COL22A1: variants seen among roughly 807,000 people sequenced by gnomAD.
The protein encoded by COL22A1 is collagen alpha-1(XXII) chain.
Under a neutral mutation model 248.9 loss-of-function variants are expected in COL22A1, and 221 were observed. The ratio of observed to expected loss-of-function variants is 0.89; its 90% CI spans 0.80 to 0.99. The LOEUF (loss-of-function observed/expected upper bound fraction) is 0.99, where lower values mean the gene tolerates loss of function less well. Among genes scored for constraint, COL22A1 ranks in the 50% least tolerant of loss-of-function variants. COL22A1 has a pLI of 0.00. For synonymous variants in COL22A1, 891 were observed against 793.4 expected (o/e 1.12, Z -2.07); for missense variants, 2,240 against 2,179.0 (o/e 1.03, Z -0.56).
At chr8:138,741,988 G>A (rs62530662) in intron 22 of COL22A1, among the ~76,000 whole-genome samples, 18,666 of 150,928 alleles carry the variant, frequency 0.12, 1,279 homozygotes, top group Non-Finnish European at 0.16. Flanking sequence ...AGTTGATGGT[G>A]ATGGTGGAGT....
At chr8:138,692,047 T>G (rs1173360593) in intron 35 of COL22A1, among the ~76,000 whole-genome samples, 1 of 146,920 alleles carries the variant, frequency 6.8e-6, no homozygotes, top group African/African-American at 2.5e-5. Flanking sequence ...TTTGTGAAGG[T>G]GTGTGTGTGC....
At chr8:138,835,658 G>A (rs1477840020) in intron 4 of COL22A1, among the ~76,000 whole-genome samples, 3 of 152,210 alleles carry the variant, frequency 2.0e-5, no homozygotes, top group East Asian at 3.9e-4. Flanking sequence ...ACTCTGAGCT[G>A]TAACGCAGCC....
At chr8:138,818,468 C>G (rs1183560740) in intron 7 of COL22A1, among the ~76,000 whole-genome samples, 1 of 152,216 alleles carries the variant, frequency 6.6e-6, no homozygotes, top group Non-Finnish European at 1.5e-5. Context: ...GTCATAAATA[C>G]CCCATAGCTC....
intron 41 of COL22A1, among the ~76,000 whole-genome samples, chr8:138,664,750 G>A (rs748888517): frequency 5.3e-5 from 8 of 152,158 alleles, no homozygotes; most frequent in African/African-American, 1.7e-4. Flanking sequence ...GAACATAGCC[G>A]ACTAGAGCAC....
chr8:138,823,955 G>A (rs980642551), intron 6 of COL22A1, among the ~76,000 whole-genome samples: 3 of 152,112 alleles, frequency 2.0e-5, no homozygotes, highest in Admixed American at 2.0e-4. Context: ...CGTAGTGCAG[G>A]GGGATCAGCT....
At chr8:138,717,861 G>A (rs11778635) in intron 27 of COL22A1, among the ~76,000 whole-genome samples, 25,198 of 152,184 alleles carry the variant, frequency 0.17, 2,380 homozygotes, top group Middle Eastern at 0.21. Flanking sequence ...GGTGGTGAGC[G>A]CGGACTATCA....
At chr8:138,800,050 G>C (rs189341592) in intron 11 of COL22A1, among the ~76,000 whole-genome samples, 1 of 152,150 alleles carries the variant, frequency 6.6e-6, no homozygotes, top group South Asian at 2.1e-4. Context: ...AGAGTTCTTC[G>C]TTCCTAAGGA....
intron 45 of COL22A1, among the ~76,000 whole-genome samples, chr8:138,651,251 C>T (rs1380089855): frequency 2.0e-5 from 3 of 152,168 alleles, no homozygotes; most frequent in Non-Finnish European, 2.9e-5. Flanking sequence ...GTACTAGTCT[C>T]CTTGTTGGAA....
chr8:138,702,900 C>T (rs947279522), intron 31 of COL22A1, among the ~76,000 whole-genome samples: 3 of 152,164 alleles, frequency 2.0e-5, no homozygotes, highest in Non-Finnish European at 4.4e-5. Flanking sequence ...AGCCCACACT[C>T]TTACTGATAC....
chr8:138,890,614 C>T (rs903808157), intron 1 of COL22A1, among the ~76,000 whole-genome samples: 14 of 152,040 alleles, frequency 9.2e-5, no homozygotes, highest in Admixed American at 1.3e-4. Flanking sequence ...TGTCCAGCTA[C>T]GGATGGCATG....
At chr8:138,910,218 C>T (rs1815356758) in intron 1 of COL22A1, among the ~76,000 whole-genome samples, 1 of 152,196 alleles carries the variant, frequency 6.6e-6, no homozygotes. Flanking sequence ...TCATGCTGGC[C>T]TCAGGCAAAG....
chr8:138,878,263 C>A lies in COL22A1; in HGVS notation c.145G>T (p.Val49Leu). 1 of 1,584,038 alleles carries A rather than the reference C, an allele frequency of 6.3e-7. No individual in the cohort carries two copies. The highest frequency in any genetic ancestry group is 1.3e-5 in the African/African-American group (1 of 74,450). ...ACCTTCTCAAAGTCCTCCTTGCCCA[C>A]GCTGGAGGAGGTGTCCAGGAGGAAG... ...LVFLLDTSSS[V>L]GKEDFEKVRQ... Residue 49 changes from valine (V) to leucine (L), a missense_variant, in exon 3 of 65, where the codon GTG becomes TTG. By Grantham distance (32) the Val-to-Leu change is conservative (BLOSUM62 1). Transcript: ENST00000303045.
At chr8:138,745,595 T>C (rs1832040947) in intron 22 of COL22A1, among the ~76,000 whole-genome samples, 1 of 152,222 alleles carries the variant, frequency 6.6e-6, no homozygotes, top group South Asian at 2.1e-4. Context: ...CTTCCTCTCA[T>C]AGTCTTACAT....
intron 10 of COL22A1, among the ~76,000 whole-genome samples, chr8:138,804,579 C>T (rs572654556): frequency 3.9e-5 from 6 of 152,306 alleles, no homozygotes; most frequent in South Asian, 4.1e-4. Flanking sequence ...CAGAGGAGCT[C>T]GGTGATGCAG....
At chr8:138,674,689 T>C (rs1432320256) in intron 41 of COL22A1, among the ~76,000 whole-genome samples, 1 of 152,128 alleles carries the variant, frequency 6.6e-6, no homozygotes, top group East Asian at 1.9e-4. Flanking sequence ...ATAAGGTGAA[T>C]CTGCAGGGAG....
intron 3 of COL22A1, among the ~76,000 whole-genome samples, chr8:138,866,653 G>A (rs1241612978): frequency 2.6e-5 from 4 of 152,222 alleles, no homozygotes; most frequent in Non-Finnish European, 4.4e-5. Context: ...ACTCGGGATG[G>A]CACCAGGGAC....
chr8:138,750,795 T>C (rs1026955595), intron 22 of COL22A1, among the ~76,000 whole-genome samples: 16 of 152,202 alleles, frequency 1.1e-4, no homozygotes, highest in African/African-American at 3.9e-4. Flanking sequence ...CTTCCTGCCC[T>C]GTGCCAGGTA....
In COL22A1 at chr8:138,862,272, T is replaced by C. The variant is rs185127575; in HGVS notation, c.658+15478A>G. On this transcript the variant is annotated intron_variant, in intron 3 of 64. Coordinates refer to ENST00000303045, the MANE Select transcript of COL22A1 (RefSeq NM_152888.3). ...AAGTAAAACAAAACAAAGTCTTCAA[T>C]GGGTTGCCACTCAACTAACAATAAA... Among the ~76,000 whole-genome samples, 77 of 152,236 alleles carry C rather than the reference T, an allele frequency of 5.1e-4. 1 individual carries two copies. Among genetic ancestry groups the C allele is most frequent in the Middle Eastern group, 3.4e-3 (1 of 294 alleles).
intron 3 of COL22A1, among the ~76,000 whole-genome samples, chr8:138,869,316 C>T (rs1440250965): frequency 1.3e-5 from 2 of 152,196 alleles, no homozygotes; most frequent in East Asian, 1.9e-4. Context: ...CAAGATAAAT[C>T]GCCATCAATT....
Sources: gnomAD v4.1 joint callset for allele counts (sites outside exome capture counted in the v4.1 genomes callset) on GRCh38, gnomAD v4.1.1 for gene constraint, MANE v1.5 for transcripts, NCBI Gene and HGNC (gene_info 2026-07-23, HGNC 2026-07-21) for gene names.